Variants in PRMT8 observed in about 807,000 individuals in gnomAD.
PRMT8 encodes the protein protein arginine methyltransferase 8, also known as protein arginine N-methyltransferase 8.
A neutral mutation model predicts 47.1 loss-of-function variants in PRMT8; 7 were observed. The ratio of observed to expected loss-of-function variants is 0.15; its 90% CI spans 0.08 to 0.28. The LOEUF (loss-of-function observed/expected upper bound fraction) is 0.28. PRMT8 is among the 10% of genes least tolerant of loss of function. The probability of loss-of-function intolerance (pLI) is 1.00; values close to 1 mark genes in which losing one functional copy is unlikely to be tolerated. For synonymous variants in PRMT8, 188 were observed against 186.5 expected (o/e 1.01, Z -0.07); for missense variants, 237 against 505.4 (o/e 0.47, Z 5.09).
At chr12:3,592,409 C>T in intron 9 of PRMT8, 57 bp downstream of exon 9, 1 of 1,554,654 alleles carries the variant, frequency 6.4e-7, no homozygotes. Context: ...AGCTGGCTCG[C>T]TCAGGACCCA....
At chr12:3,505,135 G>T (rs1428471695) in intron 1 of PRMT8, among the ~76,000 whole-genome samples, 1 of 150,066 alleles carries the variant, frequency 6.7e-6, no homozygotes, top group African/African-American at 2.5e-5. Context: ...CGGTACCTCA[G>T]ATGGAAATGC....
At chr12:3,480,601 G>C (rs1865264414) in intron 1 of PRMT8, among the ~76,000 whole-genome samples, 1 of 151,972 alleles carries the variant, frequency 6.6e-6, no homozygotes. Flanking sequence ...GTAACTTGTG[G>C]CAGAGCTGGG....
intron 1 of PRMT8, among the ~76,000 whole-genome samples, chr12:3,439,197 C>G (rs1233028162): frequency 1.3e-5 from 2 of 152,194 alleles, no homozygotes; most frequent in East Asian, 1.9e-4. Flanking sequence ...AAATCTAACT[C>G]TGTTCTATAT....
chr12:3,582,101 C>A (rs1292624759), intron 7 of PRMT8, among the ~76,000 whole-genome samples: 7 of 152,204 alleles, frequency 4.6e-5, no homozygotes, highest in Admixed American at 1.3e-4. Flanking sequence ...TGCTGCGCAA[C>A]CTTGACTAAT....
chr12:3,396,735 A>T (rs1275755262), intron 1 of PRMT8, among the ~76,000 whole-genome samples: 1 of 151,564 alleles, frequency 6.6e-6, no homozygotes, highest in African/African-American at 2.4e-5. Flanking sequence ...CATTCTCTGT[A>T]TTTCCTGAAT....
At position 3,576,752 on chromosome 12, in the gene PRMT8, T is replaced by A. The variant is rs542022437; in HGVS notation, c.713-119T>A. ...GTGAGCAGTTCTGCCTCTATTTCGA[T>A]GCAAGGGAACTCGAGCTGCCACTCA... is the stretch of plus-strand genomic sequence containing the variant. On this transcript the variant is annotated intron_variant, in intron 6 of 9. Coordinates refer to ENST00000382622, the MANE Select transcript of PRMT8 (RefSeq NM_019854.5). The surrounding 1 kb of genome is among the most constrained non-coding windows in gnomAD (Gnocchi z 4.0). 4 of 735,820 alleles carry A rather than the reference T, an allele frequency of 5.4e-6. No individual in the cohort carries two copies. The highest frequency in any genetic ancestry group is 4.3e-5 in the Admixed American group (2 of 46,518). The allele number at this position is 735,820 out of a possible 1,614,324, so 45.6% of individuals were successfully genotyped here. A position where few individuals can be genotyped will look rare whatever the true frequency, so the allele number is the denominator to read the frequency against.
upstream of PRMT8, among the ~76,000 whole-genome samples, chr12:3,490,712 A>AGAGAGAGAGAGAGG (rs1865377369): frequency 7.1e-6 from 1 of 140,648 alleles, no homozygotes; most frequent in Non-Finnish European, 1.6e-5. Context: ...AGAGAGAGAG[A>AGAGAGAGAGAGAGG]GAGAGAGAAA....
intron 4 of PRMT8, among the ~76,000 whole-genome samples, chr12:3,561,624 G>T (rs924430724): frequency 1.3e-5 from 2 of 152,130 alleles, no homozygotes; most frequent in Non-Finnish European, 2.9e-5. Flanking sequence ...TTGGAATAGG[G>T]TCATGCAGCC....
chr12:3,564,658 A>G lies in PRMT8; in HGVS notation c.482-4048A>G, dbSNP rs1222932155. 6.6e-6 allele frequency among the ~76,000 whole-genome samples: 1 copy of G among 152,262 alleles called. No homozygotes were observed. The highest frequency in any genetic ancestry group is 1.5e-5 in the Non-Finnish European group (1 of 68,050). On this transcript the variant is annotated intron_variant, in intron 4 of 9. Coordinates refer to ENST00000382622, the MANE Select transcript of PRMT8 (RefSeq NM_019854.5). The surrounding 1 kb of genome is among the most constrained non-coding windows in gnomAD (Gnocchi z 4.0). The stretch of plus-strand genomic sequence containing the variant: ...AAACTTTCCATCATCCTTCTGGAAT[A>G]AAAACATGGATCCGGACGGTGACCT...
chr12:3,465,681 G>A (rs887951374), intron 1 of PRMT8, among the ~76,000 whole-genome samples: 14 of 152,110 alleles, frequency 9.2e-5, no homozygotes, highest in African/African-American at 3.1e-4. Context: ...GTAAACAGAC[G>A]CTGAAATTTA....
Position 3,531,553 on chromosome 12 carries a change from CAGAG to C in PRMT8, c.76-9052_76-9049del, listed in dbSNP as rs576262348. Reference sequence around the variant, plus strand: ...TCTCAGCACTTACGGATCCAGGAGACAGAGGGAGTGCTGTGTGGGTGCAATGCCA... The same window carrying C: ...TCTCAGCACTTACGGATCCAGGAGACGGAGTGCTGTGTGGGTGCAATGCCA... On this transcript the variant is annotated intron_variant, in intron 1 of 9. Transcript: ENST00000382622. Among the ~76,000 whole-genome samples, 8 of 152,316 alleles carry C rather than the reference CAGAG, an allele frequency of 5.3e-5. No individual in the cohort carries two copies. The South Asian group carries it at 1.7e-3, about 32-fold the overall frequency.
intron 1 of PRMT8, among the ~76,000 whole-genome samples, chr12:3,447,487 C>T (rs1337384855): frequency 6.6e-6 from 1 of 152,134 alleles, no homozygotes; most frequent in Non-Finnish European, 1.5e-5. Context: ...GCGCCCCCCT[C>T]TCCCGCAGTG....
rs899574253 is a variant in PRMT8, at chr12:3,572,556, G to A, written c.712+2992G>A. Among the ~76,000 whole-genome samples, 4 of 152,160 alleles carry A rather than the reference G, an allele frequency of 2.6e-5. No homozygotes were observed. The highest frequency in any genetic ancestry group is 4.4e-5 in the Non-Finnish European group (3 of 68,030). On this transcript the variant is annotated intron_variant, in intron 6 of 9. Coordinates refer to ENST00000382622, the MANE Select transcript of PRMT8 (RefSeq NM_019854.5). The surrounding 1 kb of genome is among the most constrained non-coding windows in gnomAD (Gnocchi z 5.9). ...CTTATAGCTTGATGGTTGAAGGGCG[G>A]CCCTCTTGGATGGCTCAGCTGCTGT...
intron 1 of PRMT8, among the ~76,000 whole-genome samples, chr12:3,424,796 T>C (rs1157364072): frequency 2.0e-5 from 3 of 152,220 alleles, no homozygotes; most frequent in African/African-American, 7.2e-5. Context: ...CCTTTTGTCC[T>C]GCCTCAGTGA....
intron 2 of PRMT8, among the ~76,000 whole-genome samples, chr12:3,547,617 C>G (rs1866347897): frequency 6.6e-6 from 1 of 151,752 alleles, no homozygotes; most frequent in African/African-American, 2.4e-5. Context: ...ATCTCTACCC[C>G]CAAAATACAA....
intron 8 of PRMT8, among the ~76,000 whole-genome samples, chr12:3,584,020 T>A (rs556271219): frequency 2.3e-4 from 35 of 152,324 alleles, no homozygotes; most frequent in African/African-American, 7.9e-4. Context: ...TCAGAGGCTC[T>A]CATCATCCCC....
intron 6 of PRMT8, among the ~76,000 whole-genome samples, chr12:3,571,292 T>C (rs1391427283): frequency 6.6e-6 from 1 of 152,222 alleles, no homozygotes; most frequent in Non-Finnish European, 1.5e-5. Flanking sequence ...AATGCATGTA[T>C]AAATAGGACA....
intron 1 of PRMT8, among the ~76,000 whole-genome samples, chr12:3,458,370 A>G (rs1460995138): frequency 2.6e-5 from 4 of 152,196 alleles, no homozygotes; most frequent in African/African-American, 9.6e-5. Context: ...ATGGGCACAG[A>G]GCTGTGCAGC....
At chr12:3,574,526 C>T (rs1247144860) in intron 6 of PRMT8, among the ~76,000 whole-genome samples, 1 of 152,262 alleles carries the variant, frequency 6.6e-6, no homozygotes, top group Admixed American at 6.5e-5. Context: ...CACATGGCCG[C>T]ACAGCTTGCA....
Sources: gnomAD v4.1 joint callset for allele counts (sites outside exome capture counted in the v4.1 genomes callset) on GRCh38, gnomAD v4.1.1 for gene constraint, Gnocchi (gnomAD v3.1) non-coding constraint, MANE v1.5 for transcripts, NCBI Gene and HGNC (gene_info 2026-07-23, HGNC 2026-07-21) for gene names.